The following DPP10 variants were observed in gnomAD, a reference collection of about 807,000 sequenced individuals.
DPP10 encodes inactive dipeptidyl peptidase 10.
Under a neutral mutation model 120.9 loss-of-function variants are expected in DPP10, and 33 were observed. That is an observed-to-expected ratio of 0.27 (90% CI 0.21 to 0.37). The LOEUF is 0.37. Among genes scored for constraint, DPP10 ranks in the 10% least tolerant of loss-of-function variants. The pLI, the probability that DPP10 is intolerant of heterozygous loss-of-function variation, is 1.00. For synonymous variants in DPP10, 337 were observed against 326.1 expected (o/e 1.03, Z -0.36); for missense variants, 816 against 942.8 (o/e 0.87, Z 1.76).
At position 114,547,178 on chromosome 2, in the gene DPP10, C is replaced by T. The variant is rs561329183; in HGVS notation, c.60+104340C>T. On this transcript the variant is annotated intron_variant, in intron 1 of 25. Transcript: ENST00000410059. ...TTGAGATTCTTCATAATTTTACTTT[C>T]GAATTTGTGGTTCATAAGTGAAGCC... Among the ~76,000 whole-genome samples, 10 of 152,360 alleles carry T rather than the reference C, an allele frequency of 6.6e-5. No individual in the cohort carries two copies. The East Asian group carries it at 1.5e-3, about 24-fold the overall frequency.
intron 1 of DPP10, among the ~76,000 whole-genome samples, chr2:114,616,589 C>A (rs1693694050): frequency 1.3e-5 from 2 of 152,102 alleles, no homozygotes; most frequent in South Asian, 4.1e-4. Context: ...TTGCTGTAAC[C>A]TTTGCAGACG....
chr2:115,319,025 G>A (rs1177440237), intron 2 of DPP10, among the ~76,000 whole-genome samples: 1 of 152,088 alleles, frequency 6.6e-6, no homozygotes, highest in Non-Finnish European at 1.5e-5. Context: ...TTTATTCATT[G>A]AGTAGTCTTA....
chr2:114,463,426 G>C (rs1372657958), intron 1 of DPP10: 2 of 152,096 alleles, frequency 1.3e-5, no homozygotes, highest in African/African-American at 2.4e-5. Context: ...CTTCAGGACT[G>C]GTAAGTTATG....
At chr2:114,905,987 A>G (rs1034363881) in intron 1 of DPP10, among the ~76,000 whole-genome samples, 1 of 152,230 alleles carries the variant, frequency 6.6e-6, no homozygotes, top group African/African-American at 2.4e-5. Flanking sequence ...AACTACACAT[A>G]GGATAATTTA....
At position 115,685,467 on chromosome 2, in the gene DPP10, G is replaced by A. The variant is rs151110155; in HGVS notation, c.442-4220G>A. On this transcript the variant is annotated intron_variant, in intron 5 of 25. Transcript: ENST00000410059. ...TAATGTTTCTTGGCCTTGTTGCACCGAATGGAACATAAGCTCCGTGGGGAC... is the reference window on the plus strand; with the variant it reads ...TAATGTTTCTTGGCCTTGTTGCACCAAATGGAACATAAGCTCCGTGGGGAC... Among the ~76,000 whole-genome samples, 136 of 152,042 alleles carry A rather than the reference G, an allele frequency of 8.9e-4. 1 individual carries two copies. The highest frequency in any genetic ancestry group is 3.0e-3 in the African/African-American group (125 of 41,542).
At chr2:114,910,864 G>C (rs1180066501) in intron 1 of DPP10, among the ~76,000 whole-genome samples, 4 of 152,012 alleles carry the variant, frequency 2.6e-5, no homozygotes, top group Non-Finnish European at 5.9e-5. Flanking sequence ...TTTCTAAAAT[G>C]ATCTAAAGAA....
At chr2:115,148,285 T>C (rs2051341846) in intron 1 of DPP10, among the ~76,000 whole-genome samples, 1 of 152,156 alleles carries the variant, frequency 6.6e-6, no homozygotes, top group Non-Finnish European at 1.5e-5. Context: ...TCTACAATTT[T>C]CTCCATAAGG....
At chr2:114,458,542 T>C (rs951370851) in intron 1 of DPP10, among the ~76,000 whole-genome samples, 1 of 152,212 alleles carries the variant, frequency 6.6e-6, no homozygotes, top group African/African-American at 2.4e-5. Context: ...GAGGCAATAT[T>C]ATATCCTTGC....
chr2:115,539,457 A>G (rs1238194875), intron 5 of DPP10, among the ~76,000 whole-genome samples: 1 of 151,990 alleles, frequency 6.6e-6, no homozygotes, highest in Non-Finnish European at 1.5e-5. Context: ...AGAAATATTC[A>G]AAAGATGGGT....
At chr2:115,478,487 G>C (rs2075231702) in intron 3 of DPP10, among the ~76,000 whole-genome samples, 1 of 152,142 alleles carries the variant, frequency 6.6e-6, no homozygotes, top group South Asian at 2.1e-4. Flanking sequence ...CTCAAGATTT[G>C]GGTTTGGCAG....
intron 1 of DPP10, among the ~76,000 whole-genome samples, chr2:115,183,180 C>T (rs2054195240): frequency 6.6e-6 from 1 of 152,086 alleles, no homozygotes; most frequent in South Asian, 2.1e-4. Context: ...AGGAAAATTA[C>T]CTACTGCTGT....
chr2:114,949,399 G>C (rs1185998020), intron 1 of DPP10, among the ~76,000 whole-genome samples: 1 of 152,154 alleles, frequency 6.6e-6, no homozygotes, highest in East Asian at 1.9e-4. Context: ...CCATATCAGA[G>C]AGTATTGCTG....
chr2:114,767,103 G>GAAAAAAAAAAAAAAAAAAAACAAAAA (rs35500978), intron 1 of DPP10, among the ~76,000 whole-genome samples: 1 of 48,058 alleles, frequency 2.1e-5, no homozygotes, highest in African/African-American at 6.4e-5. Context: ...ATCAAAACTA[G>GAAAAAAAAAAAAAAAAAAAACAAAAA]AAAAAAAAAA....
intron 1 of DPP10, among the ~76,000 whole-genome samples, chr2:115,082,276 A>T (rs1255262250): frequency 3.3e-5 from 5 of 152,000 alleles, no homozygotes; most frequent in Non-Finnish European, 5.9e-5. Context: ...AGCCAAGGGG[A>T]GGTTTCTCAC....
At chr2:114,958,959 G>A (rs893554739) in intron 1 of DPP10, among the ~76,000 whole-genome samples, 7 of 152,154 alleles carry the variant, frequency 4.6e-5, no homozygotes, top group Admixed American at 6.5e-5. Flanking sequence ...TAGAGGTACA[G>A]CAAATGATTT....
At chr2:115,704,904 G>C (rs2901394) in intron 7 of DPP10, among the ~76,000 whole-genome samples, 96,370 of 151,728 alleles carry the variant, frequency 0.64, 32,697 homozygotes, top group East Asian at 0.91. Flanking sequence ...TATTTCTAAA[G>C]GTTTCTTTTT....
At chr2:115,198,801 G>A (rs2055478962) in intron 1 of DPP10, among the ~76,000 whole-genome samples, 1 of 151,946 alleles carries the variant, frequency 6.6e-6, no homozygotes, top group African/African-American at 2.4e-5. Context: ...TCCAGCATGG[G>A]GTTAATAAAT....
At chr2:115,668,774 T>C (rs1293110883) in intron 5 of DPP10, among the ~76,000 whole-genome samples, 2 of 152,268 alleles carry the variant, frequency 1.3e-5, no homozygotes, top group East Asian at 3.9e-4. Flanking sequence ...TCCCCCTGGC[T>C]GTAGACTGTT....
At position 115,620,232 on chromosome 2, in the gene DPP10, A is replaced by C. The variant is rs533504097; in HGVS notation, c.442-69455A>C. On this transcript the variant is annotated intron_variant, in intron 5 of 25. Transcript: ENST00000410059. ...GTCTGACTTTCCACGTGATCTTTCT[A>C]CACTTTTTACACACACGCCCACACA... Among the ~76,000 whole-genome samples the C allele has an allele frequency of 1.6e-4, 24 of 152,268 alleles. No homozygotes were observed. In the South Asian group the frequency reaches 5.0e-3, roughly 32 times the overall value.
Sources: gnomAD v4.1 joint callset for allele counts (sites outside exome capture counted in the v4.1 genomes callset) on GRCh38, gnomAD v4.1.1 for gene constraint, MANE v1.5 for transcripts, NCBI Gene and HGNC (gene_info 2026-07-23, HGNC 2026-07-21) for gene names.